The following PRKG1 variants were observed in gnomAD, a reference collection of about 807,000 sequenced individuals.
PRKG1 encodes protein kinase cGMP-dependent 1.
Under a neutral mutation model 88.1 loss-of-function variants are expected in PRKG1, and 35 were observed. The observed-to-expected ratio is 0.40, with a 90% CI of 0.30 to 0.53. PRKG1 has a LOEUF of 0.53. Ranked by LOEUF, PRKG1 falls within the 20% of genes least tolerant of loss-of-function variation. PRKG1 has a pLI of 0.59. For synonymous variants in PRKG1, 303 were observed against 292.5 expected, an observed-to-expected ratio of 1.04 and a Z score of -0.37; for missense variants, 540 against 839.8, an observed-to-expected ratio of 0.64 and a Z score of 4.41.
intron 4 of PRKG1, among the ~76,000 whole-genome samples, chr10:51,808,571 C>A (rs1486283908): frequency 1.3e-5 from 2 of 152,200 alleles, no homozygotes; most frequent in East Asian, 3.9e-4. Flanking sequence ...CCACTGCCCT[C>A]CAGTCTGGGC....
intron 12 of PRKG1, among the ~76,000 whole-genome samples, chr10:52,276,744 G>GT (rs1330565721): frequency 6.6e-6 from 1 of 152,054 alleles, no homozygotes; most frequent in African/African-American, 2.4e-5. Flanking sequence ...ATGAAACAGG[G>GT]TTTCTTTTGT....
chr10:51,584,913 G>T (rs928145522), intron 3 of PRKG1, among the ~76,000 whole-genome samples: 5 of 152,040 alleles, frequency 3.3e-5, no homozygotes, highest in African/African-American at 9.7e-5. Flanking sequence ...GTACAAAGAA[G>T]AATTACTGTA....
chr10:52,128,409 A>G, intron 7 of PRKG1: 1 of 985,418 alleles, frequency 1.0e-6, no homozygotes, highest in Middle Eastern at 5.2e-4. Flanking sequence ...GCCATGAGAC[A>G]CAAGAGAATT....
chr10:51,656,263 A>T (rs1263183396), intron 3 of PRKG1, among the ~76,000 whole-genome samples: 1 of 152,174 alleles, frequency 6.6e-6, no homozygotes, highest in African/African-American at 2.4e-5. Flanking sequence ...TGCATTTTTA[A>T]CCCAGTTAGT....
At chr10:51,827,638 A>C (rs1309614325) in intron 4 of PRKG1, among the ~76,000 whole-genome samples, 2 of 152,126 alleles carry the variant, frequency 1.3e-5, no homozygotes, top group Non-Finnish European at 2.9e-5. Context: ...TTTTAACATA[A>C]AAAGATACAT....
intron 4 of PRKG1, among the ~76,000 whole-genome samples, chr10:51,834,831 C>A (rs895956097): frequency 3.9e-5 from 6 of 152,004 alleles, no homozygotes; most frequent in African/African-American, 1.4e-4. Flanking sequence ...TACGTCCACA[C>A]CCAAGGTCAT....
intron 2 of PRKG1, among the ~76,000 whole-genome samples, chr10:51,203,231 T>G (rs781023532): frequency 2.6e-4 from 39 of 152,322 alleles, no homozygotes; most frequent in Non-Finnish European, 4.4e-4. Flanking sequence ...ATGCACACAC[T>G]GAGTTTTGTC....
intron 7 of PRKG1, among the ~76,000 whole-genome samples, chr10:52,064,319 G>A (rs560397432): frequency 6.6e-6 from 1 of 152,348 alleles, no homozygotes; most frequent in African/African-American, 2.4e-5. Context: ...GACTGTGACA[G>A]TGCCTGGGCT....
intron 5 of PRKG1, among the ~76,000 whole-genome samples, chr10:51,986,135 A>C (rs1299418314): frequency 1.3e-5 from 2 of 152,200 alleles, no homozygotes; most frequent in Non-Finnish European, 2.9e-5. Flanking sequence ...AAAGGGTCAA[A>C]ATTTGAATTT....
At chr10:51,117,199 C>A (rs980567568) in intron 1 of PRKG1, among the ~76,000 whole-genome samples, 4 of 152,192 alleles carry the variant, frequency 2.6e-5, no homozygotes, top group Admixed American at 2.6e-4. Flanking sequence ...TTAAACACAG[C>A]ACAGCATGGT....
chr10:51,609,722 C>A (rs1838855736), intron 3 of PRKG1, among the ~76,000 whole-genome samples: 1 of 152,142 alleles, frequency 6.6e-6, no homozygotes, highest in Admixed American at 6.5e-5. Context: ...ATATCCTCAG[C>A]AAACTAACAC....
intron 3 of PRKG1, among the ~76,000 whole-genome samples, chr10:51,582,409 C>A (rs1278907526): frequency 6.6e-6 from 1 of 152,084 alleles, no homozygotes; most frequent in African/African-American, 2.4e-5. Flanking sequence ...GTTTGCTACA[C>A]CTCTCAACCC....
intron 3 of PRKG1, among the ~76,000 whole-genome samples, chr10:51,715,759 T>C (rs1261026452): frequency 6.6e-6 from 1 of 152,204 alleles, no homozygotes; most frequent in Non-Finnish European, 1.5e-5. Flanking sequence ...TAAACGGCCC[T>C]GATATGGAAA....
intron 3 of PRKG1, among the ~76,000 whole-genome samples, chr10:51,585,323 G>C (rs1838146092): frequency 6.6e-6 from 1 of 152,006 alleles, no homozygotes; most frequent in African/African-American, 2.4e-5. Flanking sequence ...AATATTCAAA[G>C]CTGATTCTGG....
At chr10:52,015,209 A>G (rs2133179161) in intron 5 of PRKG1, among the ~76,000 whole-genome samples, 1 of 152,318 alleles carries the variant, frequency 6.6e-6, no homozygotes, top group East Asian at 1.9e-4. Context: ...ACATCCAGGC[A>G]TTTCCATACA....
chr10:51,896,592 T>C (rs138653611), intron 4 of PRKG1, among the ~76,000 whole-genome samples: 1 of 145,418 alleles, frequency 6.9e-6, no homozygotes, highest in Admixed American at 7.0e-5. Context: ...TGTGCCTGTA[T>C]TCCTAGCTAC....
At chr10:51,380,795 A>G (rs1837064522) in intron 2 of PRKG1, among the ~76,000 whole-genome samples, 1 of 152,162 alleles carries the variant, frequency 6.6e-6, no homozygotes, top group African/African-American at 2.4e-5. Flanking sequence ...TAACCAGGGA[A>G]GGGGGCCAGG....
chr10:51,802,454 C>T (rs1839196570), intron 3 of PRKG1, among the ~76,000 whole-genome samples: 1 of 152,010 alleles, frequency 6.6e-6, no homozygotes, highest in Admixed American at 6.6e-5. Context: ...AGTCATTTTT[C>T]AACACATAGA....
chr10:51,075,760 G>A (rs777579965), intron 1 of PRKG1, among the ~76,000 whole-genome samples: 9 of 152,142 alleles, frequency 5.9e-5, no homozygotes, highest in Admixed American at 1.3e-4. Context: ...AGGGAACTGT[G>A]CAATTCTGAT....
Sources: gnomAD v4.1 joint callset for allele counts (sites outside exome capture counted in the v4.1 genomes callset) on GRCh38, gnomAD v4.1.1 for gene constraint, MANE v1.5 for transcripts, NCBI Gene and HGNC (gene_info 2026-07-23, HGNC 2026-07-21) for gene names.